Variants in UAP1L1 observed in about 807,000 individuals in gnomAD.
The protein encoded by UAP1L1 is UDP-N-acetylhexosamine pyrophosphorylase-like protein 1.
UAP1L1 carries 45 observed loss-of-function variants against 45.3 expected under a neutral mutation model. The ratio of observed to expected loss-of-function variants is 0.99; its 90% CI spans 0.78 to 1.27. UAP1L1 has a LOEUF of 1.27. Ranked by LOEUF, UAP1L1 falls within the 50% of genes most tolerant of loss-of-function variation. The pLI is 0.00. For synonymous variants in UAP1L1, 323 were observed against 303.9 expected, an observed-to-expected ratio of 1.06 and a Z score of -0.65; for missense variants, 667 against 694.0, an observed-to-expected ratio of 0.96 and a Z score of 0.44.
chr9:137,080,929 A>G (rs1237492012), intron 7 of UAP1L1, 55 bp downstream of exon 7: 4 of 1,459,404 alleles, frequency 2.7e-6, no homozygotes, highest in Non-Finnish European at 9.0e-7. Context: ...TCAGGACCCA[A>G]TCTTCAGCTC....
At chr9:137,078,852 G>C in intron 3 of UAP1L1, 124 bp from the exon 4 acceptor site, 1 of 1,340,352 alleles carries the variant, frequency 7.5e-7, no homozygotes, top group Non-Finnish European at 1.0e-6. Context: ...TGGGCTGTCT[G>C]GTTAGTGACC....
chr9:137,078,666 C>T lies in UAP1L1; in HGVS notation c.659C>T (p.Ala220Val). The change falls in exon 3 of 9, where the codon GCC becomes GTC. Residue 220 changes from alanine to valine, a missense_variant. Physicochemically the swap from Ala to Val is moderately conservative, Grantham distance 64. Transcript: ENST00000409858. Reference protein sequence around the residue: ...KVILERKDKVAMAPDGNGGLY... With the variant: ...KVILERKDKVVMAPDGNGGLY... ...ATCCTGGAGCGGAAAGACAAAGTTGCCATGGCCCCAGGTGTGGCCCGTTCC... is the reference window on the plus strand; with the variant it reads ...ATCCTGGAGCGGAAAGACAAAGTTGTCATGGCCCCAGGTGTGGCCCGTTCC... 6.2e-7 allele frequency: 1 copy of T among 1,611,986 alleles called. No individual in the cohort carries two copies. The highest frequency in any genetic ancestry group is 8.5e-7 in the Non-Finnish European group (1 of 1,179,366).
rs1231882912 is a variant in UAP1L1, at chr9:137,077,914, C to A, written c.289+93C>A. 1.3e-6 allele frequency: 2 copies of A among 1,495,986 alleles called. No individual in the cohort carries two copies. The highest frequency in any genetic ancestry group is 8.9e-7 in the Non-Finnish European group (1 of 1,128,010). The allele number at this position is 1,495,986 out of a possible 1,614,324, so 92.7% of individuals were successfully genotyped here. On this transcript the variant is annotated intron_variant, in intron 1 of 8. Coordinates refer to ENST00000409858, the MANE Select transcript of UAP1L1 (RefSeq NM_207309.3). This position sits in a 1 kb window ranked among gnomAD's most constrained non-coding sequence, Gnocchi z 4.7. ...CCGCGCTCGGGGAACTGTAGTTCTC[C>A]TCGCTACTTTGAGACGTGTCTCGCC...
chr9:137,077,527 G>C lies in UAP1L1; in HGVS notation c.-6G>C, dbSNP rs1451342906. 5.1e-6 allele frequency: 7 copies of C among 1,361,596 alleles called. No homozygotes were observed. The highest frequency in any genetic ancestry group is 6.7e-6 in the Non-Finnish European group (7 of 1,047,882). 84.3% of individuals were successfully genotyped at this position (1,361,596 alleles called of 1,614,324 possible). On this transcript the variant is annotated 5_prime_UTR_variant, in exon 1 of 9. Coordinates refer to ENST00000409858, the MANE Select transcript of UAP1L1 (RefSeq NM_207309.3). The surrounding 1 kb of genome is among the most constrained non-coding windows in gnomAD (Gnocchi z 4.7). Reference sequence around the variant, plus strand: ...GAGTGCCGACTTGACAGACGGCAGCGGCGACATGGCTTCGGAGCAGGACGT... The same window carrying C: ...GAGTGCCGACTTGACAGACGGCAGCCGCGACATGGCTTCGGAGCAGGACGT...
In UAP1L1 at chr9:137,082,392, C is replaced by G; in HGVS notation, c.1432-245C>G. The G allele has an allele frequency of 1.7e-6, 1 of 595,186 alleles. No homozygotes were observed. The highest frequency in any genetic ancestry group is 3.0e-6 in the Non-Finnish European group (1 of 334,876). 36.9% of individuals were successfully genotyped at this position (595,186 alleles called of 1,614,324 possible). A position where few individuals can be genotyped will look rare whatever the true frequency, so the allele number is the denominator to read the frequency against. The stretch of plus-strand genomic sequence containing the variant: ...TGACCTCGGCTGCCCTTGCCCCTTT[C>G]TCTGGTCAGGTCAGACCTGTGCGTG... On this transcript the variant is annotated intron_variant, in intron 8 of 8. Coordinates refer to ENST00000409858, the MANE Select transcript of UAP1L1 (RefSeq NM_207309.3). This position sits in a 1 kb window ranked among gnomAD's most constrained non-coding sequence, Gnocchi z 5.7.
In UAP1L1 at chr9:137,079,263, A is replaced by C. The variant is rs1448360881; in HGVS notation, c.851A>C (p.Glu284Ala). The C allele has an allele frequency of 6.2e-7, 1 of 1,606,110 alleles. No homozygotes were observed. The highest frequency in any genetic ancestry group is 8.5e-7 in the Non-Finnish European group (1 of 1,175,690). Residue 284 changes from glutamate (E) to alanine (A), a missense_variant, in exon 5 of 9, where the codon GAA (glutamate) becomes GCA (alanine). Physicochemically the swap from Glu to Ala is moderately radical, Grantham distance 107. Transcript: ENST00000409858. ...CCCTGGTCTTGGCTGCAGGTGGTGG[A>C]AAAGGCATACCCCGAGGAGCCCGTG... The part of the protein sequence containing the change: ...QGADCGAKVV[E>A]KAYPEEPVGV...
chr9:137,078,388 C>T (rs1341314652), intron 2 of UAP1L1, 114 bp from the exon 3 acceptor site: 3 of 1,582,914 alleles, frequency 1.9e-6, no homozygotes, highest in Non-Finnish European at 2.6e-6. Context: ...TGGGGCCTGG[C>T]CCCAGCCCCA....
At chr9:137,080,520 C>G in intron 6 of UAP1L1, 169 bp from the exon 7 acceptor site, 2 of 677,550 alleles carry the variant, frequency 3.0e-6, no homozygotes, top group Non-Finnish European at 4.9e-6. Flanking sequence ...TTGGGCCATC[C>G]CTGGCGTCTC....
Position 137,079,084 on chromosome 9 carries a change from T to G in UAP1L1, c.779T>G (p.Val260Gly). The G allele has an allele frequency of 6.2e-7, 1 of 1,610,874 alleles. No individual in the cohort carries two copies. The highest frequency in any genetic ancestry group is 1.1e-5 in the South Asian group (1 of 90,736). The change falls in exon 4 of 9, where the codon GTG becomes GGG. Residue 260 changes from valine to glycine, a missense_variant. Physicochemically the swap from Val to Gly is moderately radical, Grantham distance 109. Transcript: ENST00000409858. ...GTGTACTGTGTGGACAACATCCTGGTGCGGCTGGCGGACCCTGTCTTCATC... is the reference window on the plus strand; with the variant it reads ...GTGTACTGTGTGGACAACATCCTGGGGCGGCTGGCGGACCCTGTCTTCATC... ...VHVYCVDNIL[V>G]RLADPVFIGF...
rs200864635 is a variant in UAP1L1 at position 137,080,824 on chromosome 9, C to T, written c.1314C>T (p.Ala438=). The T allele has an allele frequency of 7.4e-5, 119 of 1,609,606 alleles. 1 individual carries two copies. The highest frequency in any genetic ancestry group is 9.0e-5 in the Non-Finnish European group (106 of 1,179,308). The change falls in exon 7 of 9, where the codon GCC becomes GCT. Residue 438 remains alanine (A), a synonymous_variant. Transcript: ENST00000409858. ...AGCACTACCGGTGGGCTCTGCGGGCCGGGGCCCGCTTCCTGGATGCCCATG... is the reference window on the plus strand; with the variant it reads ...AGCACTACCGGTGGGCTCTGCGGGCTGGGGCCCGCTTCCTGGATGCCCATG... ...LTQHYRWALR[A]GARFLDAHGA... is the part of the protein sequence containing the mutation.
Position 137,084,218 on chromosome 9 carries a change from G to T in UAP1L1, c.*1489G>T, listed in dbSNP as rs1245776065. On this transcript the variant is annotated 3_prime_UTR_variant, in exon 9 of 9. Transcript: ENST00000409858. ...TCTTTTTTTTTGTTTGTTTTAGACG[G>T]AGTTTCACTCTTGTTGCCCAGGCTG... 6.6e-6 allele frequency: 1 copy of T among 152,226 alleles called. No individual in the cohort carries two copies. The highest frequency in any genetic ancestry group is 2.4e-5 in the African/African-American group (1 of 41,444). 9.4% of individuals were successfully genotyped at this position (152,226 alleles called of 1,614,324 possible). A position where few individuals can be genotyped will look rare whatever the true frequency, so the allele number is the denominator to read the frequency against.
chr9:137,079,285 C>T lies in UAP1L1; in HGVS notation c.873C>T (p.Pro291=), dbSNP rs755866145. Residue 291 remains proline (P), a synonymous_variant, in exon 5 of 9, where the codon CCC becomes CCT. Coordinates refer to ENST00000409858, the MANE Select transcript of UAP1L1 (RefSeq NM_207309.3). ...KVVEKAYPEE[P]VGVVCQVDGV... ...TGGAAAAGGCATACCCCGAGGAGCC[C>T]GTGGGCGTGGTGTGCCAGGTGGACG... The T allele has an allele frequency of 8.3e-5, 133 of 1,611,804 alleles. No homozygotes were observed. In the South Asian group the frequency reaches 1.1e-3, roughly 13 times the overall value.
Position 137,078,980 on chromosome 9 carries a change from C to T in UAP1L1, c.675C>T (p.Gly225=), listed in dbSNP as rs144472905. Residue 225 remains glycine (G), a synonymous_variant, in exon 4 of 9, where the codon GGC becomes GGT. Coordinates refer to ENST00000409858, the MANE Select transcript of UAP1L1 (RefSeq NM_207309.3). ...RKDKVAMAPD[G]NGGLYCALED... ...CATTCCCTTCTCCGTCTGCAGACGGCAACGGGGGCCTCTACTGCGCGCTGG... is the reference window on the plus strand; with the variant it reads ...CATTCCCTTCTCCGTCTGCAGACGGTAACGGGGGCCTCTACTGCGCGCTGG... 67 of 1,586,408 alleles carry T rather than the reference C, an allele frequency of 4.2e-5. No homozygotes were observed. In the African/African-American group the frequency reaches 8.5e-4, roughly 20 times the overall value.
At position 137,078,302 on chromosome 9, in the gene UAP1L1, C is replaced by G. The variant is rs750090491; in HGVS notation, c.494+48C>G. The G allele has an allele frequency of 4.7e-5, 71 of 1,510,308 alleles. No homozygotes were observed. The South Asian group carries it at 5.5e-4, about 12-fold the overall frequency. The allele number at this position is 1,510,308 out of a possible 1,614,324, so 93.6% of individuals were successfully genotyped here. ...CGGCCCGGAGGTACCCTTCCCCACG[C>G]CCCCCCACATCCCCGCTCCAGACGC... is the stretch of plus-strand genomic sequence containing the variant. On this transcript the variant is annotated intron_variant, in intron 2 of 8. Transcript: ENST00000409858.
At chr9:137,080,997 C>A in intron 7 of UAP1L1, 123 bp downstream of exon 7, 1 of 1,013,714 alleles carries the variant, frequency 9.9e-7, no homozygotes, top group Non-Finnish European at 1.4e-6. Flanking sequence ...TTCCCGGCAC[C>A]ACCGCAGGTG....
chr9:137,078,962 T>C lies in UAP1L1; in HGVS notation c.671-14T>C. ...GGGAGCCCTCGCGATGCCCATTCCCTTCTCCGTCTGCAGACGGCAACGGGG... is the reference window on the plus strand; with the variant it reads ...GGGAGCCCTCGCGATGCCCATTCCCCTCTCCGTCTGCAGACGGCAACGGGG... On this transcript the variant is annotated splice_polypyrimidine_tract_variant and intron_variant, in intron 3 of 8. Coordinates refer to ENST00000409858, the MANE Select transcript of UAP1L1 (RefSeq NM_207309.3). The C allele has an allele frequency of 6.3e-7, 1 of 1,577,702 alleles. No homozygotes were observed. The highest frequency in any genetic ancestry group is 8.6e-7 in the Non-Finnish European group (1 of 1,167,430).
chr9:137,079,420 C>A lies in UAP1L1; in HGVS notation c.1008C>A (p.Phe336Leu). 6.3e-7 allele frequency: 1 copy of A among 1,598,352 alleles called. No homozygotes were observed. Among genetic ancestry groups the A allele is most frequent in the Non-Finnish European group, 8.6e-7 (1 of 1,169,186 alleles). ...CAGGCAACATCTGCAACCACTTCTTCACCCGAGGCTTCCTTAAGGCGGTCA... is the reference window on the plus strand; with the variant it reads ...CAGGCAACATCTGCAACCACTTCTTAACCCGAGGCTTCCTTAAGGCGGTCA... ...YNAGNICNHF[F>L]TRGFLKAVTR... Residue 336 changes from phenylalanine (F) to leucine (L), a missense_variant, in exon 5 of 9, where the codon TTC becomes TTA. By Grantham distance (22) the Phe-to-Leu change is conservative. Transcript: ENST00000409858.
chr9:137,078,774 T>C (rs1040023058), intron 3 of UAP1L1, 97 bp downstream of exon 3: 35 of 1,426,302 alleles, frequency 2.5e-5, no homozygotes, highest in Non-Finnish European at 2.9e-5. Context: ...GCCCCGAGGC[T>C]GTGTGGTCCT....
chr9:137,082,662 G>C lies in UAP1L1; in HGVS notation c.1457G>C (p.Arg486Pro). 6.4e-7 allele frequency: 1 copy of C among 1,552,206 alleles called. No homozygotes were observed. The highest frequency in any genetic ancestry group is 8.7e-7 in the Non-Finnish European group (1 of 1,147,384). The change falls in exon 9 of 9, where the codon CGG becomes CCG. Residue 486 changes from arginine to proline, a missense_variant. By Grantham distance (103) the Arg-to-Pro change is moderately radical (BLOSUM62 -2). Coordinates refer to ENST00000409858, the MANE Select transcript of UAP1L1 (RefSeq NM_207309.3). This position sits in a 1 kb window ranked among gnomAD's most constrained non-coding sequence, Gnocchi z 5.7. ...GEGLEVYLQG[R>P]EFQSPLILDE... ...GGTTTAGAAGTGTACCTGCAAGGCC[G>C]GGAGTTCCAGTCCCCGCTCATCCTG...
Sources: gnomAD v4.1 joint callset for allele counts on GRCh38, gnomAD v4.1.1 for gene constraint, Gnocchi (gnomAD v3.1) non-coding constraint, MANE v1.5 for transcripts, NCBI Gene and HGNC (gene_info 2026-07-23, HGNC 2026-07-21) for gene names.